The following SAMD12 variants were observed in gnomAD, a reference collection of about 807,000 sequenced individuals.
SAMD12 encodes the protein sterile alpha motif domain-containing protein 12.
In SAMD12, 9 loss-of-function variants were observed where a neutral mutation model predicts 15.0. That is an observed-to-expected ratio of 0.60 (90% CI 0.36 to 1.05). SAMD12 has a LOEUF of 1.05. Among genes scored for constraint, SAMD12 ranks in the 50% least tolerant of loss-of-function variants. The pLI, the probability that SAMD12 is intolerant of heterozygous loss-of-function variation, is 0.01. For synonymous variants in SAMD12, 86 were observed against 90.1 expected (o/e 0.96, Z 0.25); for missense variants, 230 against 234.2 (o/e 0.98, Z 0.12).
intron 4 of SAMD12, among the ~76,000 whole-genome samples, chr8:118,329,722 C>G (rs990059471): frequency 6.6e-6 from 1 of 152,162 alleles, no homozygotes; most frequent in African/African-American, 2.4e-5. Flanking sequence ...CATTATTTGA[C>G]TCTTTTGCTC....
intron 4 of SAMD12, among the ~76,000 whole-genome samples, chr8:118,297,162 T>C (rs1041913290): frequency 3.9e-5 from 6 of 152,204 alleles, no homozygotes; most frequent in Non-Finnish European, 7.3e-5. Context: ...TTCAAATGAC[T>C]GGTGCTTTTC....
chr8:118,163,841 C>T, the SAMD12 span, among the ~76,000 whole-genome samples: 1 of 151,910 alleles, frequency 6.6e-6, no homozygotes, highest in African/African-American at 2.4e-5. Context: ...CGCCACTGCC[C>T]TCCAGCCTGG....
At chr8:118,509,436 C>T (rs1291968722) in intron 2 of SAMD12, among the ~76,000 whole-genome samples, 1 of 152,152 alleles carries the variant, frequency 6.6e-6, no homozygotes, top group East Asian at 1.9e-4. Context: ...TTGAGGGTTT[C>T]ATAAACCACT....
chr8:118,145,227 C>T, the SAMD12 span, among the ~76,000 whole-genome samples: 2 of 152,090 alleles, frequency 1.3e-5, no homozygotes, highest in African/African-American at 4.8e-5. Context: ...TACATTAGCC[C>T]ATGGGATTAT....
chr8:118,395,047 G>A (rs1044420942), intron 3 of SAMD12: 1 of 152,132 alleles, frequency 6.6e-6, no homozygotes, highest in African/African-American at 2.4e-5. Context: ...CAGTGGGTAT[G>A]TTAACAGTAT....
chr8:118,238,279 C>T (rs2129955302), intron 4 of SAMD12, among the ~76,000 whole-genome samples: 1 of 152,168 alleles, frequency 6.6e-6, no homozygotes, highest in Admixed American at 6.5e-5. Context: ...TATTTTTGGT[C>T]TCAAGTCTTA....
chr8:118,316,885 C>T (rs1393621850), intron 4 of SAMD12, among the ~76,000 whole-genome samples: 5 of 147,226 alleles, frequency 3.4e-5, no homozygotes, highest in Non-Finnish European at 7.4e-5. Context: ...GAACTCTCGG[C>T]CTCAAGTGAT....
the SAMD12 span, among the ~76,000 whole-genome samples, chr8:118,165,604 A>ATGTG: frequency 6.8e-4 from 26 of 38,476 alleles, no homozygotes; most frequent in Non-Finnish European, 8.9e-4. Context: ...ACATATATAC[A>ATGTG]TATATATATG....
intron 4 of SAMD12, among the ~76,000 whole-genome samples, chr8:118,253,110 T>C (rs1030344071): frequency 1.3e-5 from 2 of 152,194 alleles, no homozygotes; most frequent in Non-Finnish European, 2.9e-5. Flanking sequence ...TAGTGAGAGA[T>C]GGAACACTGT....
At chr8:118,371,142 C>T (rs947734193) in intron 4 of SAMD12, among the ~76,000 whole-genome samples, 23 of 152,106 alleles carry the variant, frequency 1.5e-4, no homozygotes, top group African/African-American at 5.6e-4. Context: ...TAATTTCTGA[C>T]AAGCAACTTG....
intron 3 of SAMD12, among the ~76,000 whole-genome samples, chr8:118,409,310 A>G (rs532393229): frequency 6.6e-6 from 1 of 152,070 alleles, no homozygotes; most frequent in Non-Finnish European, 1.5e-5. Context: ...TGTTTCTACA[A>G]TTTTCTTTTT....
In SAMD12 at chr8:118,503,607, T is replaced by C. The variant is rs922137091; in HGVS notation, c.193-63646A>G. 4.6e-5 allele frequency among the ~76,000 whole-genome samples: 7 copies of C among 152,200 alleles called. No individual in the cohort carries two copies. In the East Asian group the frequency reaches 1.4e-3, roughly 29 times the overall value. On this transcript the variant is annotated intron_variant, in intron 2 of 3. Coordinates refer to ENST00000314727, the MANE Select transcript of SAMD12 (RefSeq NM_207506.3). ...GGATTACGCTGCCTTTCATCCTTTCTAAGGAAATTGAGAAAGTGTTTTGAG... is the reference window on the plus strand; with the variant it reads ...GGATTACGCTGCCTTTCATCCTTTCCAAGGAAATTGAGAAAGTGTTTTGAG...
At chr8:118,197,088 A>G (rs1819586563) in exon 5 of SAMD12, 1 of 152,454 alleles carries the variant, frequency 6.6e-6, no homozygotes, top group African/African-American at 2.4e-5. Flanking sequence ...CCGGAAAAAA[A>G]AAAACCACTA....
intron 4 of SAMD12, among the ~76,000 whole-genome samples, chr8:118,335,362 C>T (rs1319215302): frequency 6.6e-6 from 1 of 152,182 alleles, no homozygotes; most frequent in East Asian, 1.9e-4. Context: ...TCACCCAATA[C>T]TGCAAAGTAG....
intron 4 of SAMD12, among the ~76,000 whole-genome samples, chr8:118,273,825 C>T (rs1476615584): frequency 3.3e-5 from 5 of 152,132 alleles, no homozygotes; most frequent in Non-Finnish European, 5.9e-5. Context: ...GTGGAAATAG[C>T]ATCATGGAAA....
At chr8:118,476,257 C>T (rs987434152) in intron 2 of SAMD12, among the ~76,000 whole-genome samples, 1 of 152,162 alleles carries the variant, frequency 6.6e-6, no homozygotes, top group African/African-American at 2.4e-5. Context: ...CTGCCATCCC[C>T]CTCAAAGTCT....
chr8:118,410,440 G>A (rs1821354437), intron 3 of SAMD12, among the ~76,000 whole-genome samples: 1 of 152,192 alleles, frequency 6.6e-6, no homozygotes, highest in African/African-American at 2.4e-5. Flanking sequence ...CTCATCAAGA[G>A]TTAGGGACGA....
intron 4 of SAMD12, among the ~76,000 whole-genome samples, chr8:118,361,781 T>C (rs1363136491): frequency 6.6e-6 from 1 of 152,198 alleles, no homozygotes; most frequent in African/African-American, 2.4e-5. Context: ...GCTTTGTTTA[T>C]ATAGTACTTA....
At chr8:118,533,562 T>G (rs1169921832) in intron 2 of SAMD12, among the ~76,000 whole-genome samples, 1 of 152,178 alleles carries the variant, frequency 6.6e-6, no homozygotes, top group African/African-American at 2.4e-5. Context: ...CCATTATTAT[T>G]GTGTGGGAGT....
Sources: gnomAD v4.1 joint callset for allele counts (sites outside exome capture counted in the v4.1 genomes callset) on GRCh38, gnomAD v4.1.1 for gene constraint, MANE v1.5 for transcripts, NCBI Gene and HGNC (gene_info 2026-07-23, HGNC 2026-07-21) for gene names.